CTNNA3: variants seen among roughly 807,000 people sequenced by gnomAD.
CTNNA3 encodes the protein catenin alpha-3.
CTNNA3 carries 76 observed loss-of-function variants against 95.7 expected under a neutral mutation model. The observed-to-expected ratio is 0.79, with a 90% CI of 0.66 to 0.96. The LOEUF is 0.96. CTNNA3 is among the 40% of genes least tolerant of loss of function. CTNNA3 has a pLI of 0.00. For synonymous variants in CTNNA3, 431 were observed against 374.4 expected (o/e 1.15, Z -1.74); for missense variants, 1,191 against 1,089.8 (o/e 1.09, Z -1.31).
chr10:67,125,166 G>GT (rs1859661182), intron 7 of CTNNA3, among the ~76,000 whole-genome samples: 1 of 152,040 alleles, frequency 6.6e-6, no homozygotes, highest in Admixed American at 6.6e-5. Context: ...TATTTAATAC[G>GT]TTTTTTCAAT....
chr10:67,311,358 G>C (rs1840792162), intron 5 of CTNNA3, among the ~76,000 whole-genome samples: 2 of 152,098 alleles, frequency 1.3e-5, no homozygotes, highest in Admixed American at 1.3e-4. Flanking sequence ...TGGAAGGAGG[G>C]GGGTTGGGAA....
intron 6 of CTNNA3, among the ~76,000 whole-genome samples, chr10:67,208,378 CAA>C (rs3056794): frequency 1.4e-4 from 13 of 93,140 alleles, no homozygotes; most frequent in African/African-American, 3.1e-4. Context: ...GACTCTGTCT[CAA>C]AAAAAAAAAA....
intron 1 of CTNNA3, among the ~76,000 whole-genome samples, chr10:67,701,806 C>T (rs1193599915): frequency 1.3e-5 from 2 of 151,622 alleles, no homozygotes; most frequent in African/African-American, 2.4e-5. Flanking sequence ...GGACTAAATG[C>T]TCCAATTAAA....
upstream of CTNNA3, among the ~76,000 whole-genome samples, chr10:67,700,769 G>A (rs538354215): frequency 4.0e-4 from 61 of 152,342 alleles, no homozygotes; most frequent in African/African-American, 1.4e-3. Flanking sequence ...GAACAAAGCT[G>A]GACGGAGAAT....
At chr10:66,808,919 T>C (rs1201839066) in intron 7 of CTNNA3, among the ~76,000 whole-genome samples, 12 of 152,192 alleles carry the variant, frequency 7.9e-5, no homozygotes. Flanking sequence ...TCTTCAAGTG[T>C]ATATTTAAAT....
chr10:67,233,852 T>C (rs1011580446), intron 5 of CTNNA3, among the ~76,000 whole-genome samples: 1 of 152,002 alleles, frequency 6.6e-6, no homozygotes, highest in African/African-American at 2.4e-5. Flanking sequence ...CCCACAGAAA[T>C]AGAAACTACC....
At chr10:67,726,138 T>C (rs1330685169) in intron 1 of CTNNA3, among the ~76,000 whole-genome samples, 176 of 110,402 alleles carry the variant, frequency 1.6e-3, no homozygotes, top group Non-Finnish European at 2.5e-3. Flanking sequence ...ATAATATATA[T>C]TATATTATAT....
intron 12 of CTNNA3, among the ~76,000 whole-genome samples, chr10:66,357,546 A>G (rs1384461223): frequency 6.6e-6 from 1 of 152,054 alleles, no homozygotes; most frequent in African/African-American, 2.4e-5. Context: ...GTGCTTATAT[A>G]TATTTTCCTA....
chr10:66,454,143 A>G (rs1039104834), intron 11 of CTNNA3, among the ~76,000 whole-genome samples: 14 of 152,116 alleles, frequency 9.2e-5, no homozygotes, highest in African/African-American at 3.4e-4. Context: ...GGGAAAAGGA[A>G]ATAGATTCCC....
intron 5 of CTNNA3, among the ~76,000 whole-genome samples, chr10:67,307,483 T>A (rs7907210): frequency 6.6e-6 from 1 of 151,336 alleles, no homozygotes; most frequent in Non-Finnish European, 1.5e-5. Flanking sequence ...TGTTTGTTTG[T>A]TTGGTTGGTT....
At chr10:67,267,318 C>CTGTG (rs142961666) in intron 5 of CTNNA3, among the ~76,000 whole-genome samples, 1 of 151,636 alleles carries the variant, frequency 6.6e-6, no homozygotes, top group Non-Finnish European at 1.5e-5. Context: ...GGAAGAAGTT[C>CTGTG]TGTGTGTGTG....
chr10:66,613,234 A>G (rs1452375933), intron 10 of CTNNA3, among the ~76,000 whole-genome samples: 1 of 151,982 alleles, frequency 6.6e-6, no homozygotes, highest in Non-Finnish European at 1.5e-5. Context: ...GATGGCCATG[A>G]CTTCTCCTCC....
At chr10:66,852,750 A>G (rs978226566) in intron 7 of CTNNA3, among the ~76,000 whole-genome samples, 3 of 152,200 alleles carry the variant, frequency 2.0e-5, no homozygotes, top group Non-Finnish European at 4.4e-5. Flanking sequence ...ATAAGTTTAC[A>G]TAAAAATCTC....
intron 9 of CTNNA3, among the ~76,000 whole-genome samples, chr10:66,737,262 T>G (rs1284506290): frequency 6.6e-6 from 1 of 152,236 alleles, no homozygotes; most frequent in Non-Finnish European, 1.5e-5. Flanking sequence ...TATGACTGTT[T>G]AATGGCCAAA....
chr10:67,629,374 A>AGT (rs5785829), intron 2 of CTNNA3, among the ~76,000 whole-genome samples: 67,720 of 151,922 alleles, frequency 0.45, 18,962 homozygotes, highest in African/African-American at 0.8. Flanking sequence ...CCAGTTTCCC[A>AGT]GAGTACCACC....
chr10:66,199,805 A>ATATATGTATATATATATATT (rs1564756586), intron 13 of CTNNA3, among the ~76,000 whole-genome samples: 2 of 14,292 alleles, frequency 1.4e-4, no homozygotes, highest in Non-Finnish European at 2.2e-4. Flanking sequence ...ATATATATAT[A>ATATATGTATATATATATATT]TTTTTTTTTT....
chr10:66,122,855 T>C (rs2082642416), intron 13 of CTNNA3, among the ~76,000 whole-genome samples: 1 of 152,136 alleles, frequency 6.6e-6, no homozygotes. Flanking sequence ...GTGAGACTCA[T>C]TTACTATCAT....
chr10:66,443,387 C>T (rs963003494), intron 11 of CTNNA3, among the ~76,000 whole-genome samples: 12 of 152,162 alleles, frequency 7.9e-5, no homozygotes, highest in Admixed American at 4.6e-4. Context: ...CCCCGAGCAG[C>T]CTAACTGGGA....
At chr10:67,016,192 G>A (rs933979781) in intron 7 of CTNNA3, among the ~76,000 whole-genome samples, 5 of 152,118 alleles carry the variant, frequency 3.3e-5, no homozygotes, top group African/African-American at 1.2e-4. Context: ...CTTTCTGATC[G>A]CTACTCCTCT....
Sources: allele counts gnomAD v4.1 joint callset (sites outside exome capture counted in the v4.1 genomes callset), GRCh38; gene constraint gnomAD v4.1.1; transcripts MANE v1.5; gene names NCBI Gene and HGNC (gene_info 2026-07-23, HGNC 2026-07-21).